The following CNTN1 variants were observed in gnomAD, a reference collection of about 807,000 sequenced individuals.
CNTN1 encodes contactin-1.
Under a neutral mutation model 126.4 loss-of-function variants are expected in CNTN1, and 38 were observed. The observed-to-expected ratio is 0.30, with a 90% CI of 0.23 to 0.39. The LOEUF is 0.39. Ranked by LOEUF, CNTN1 falls within the 10% of genes least tolerant of loss-of-function variation. CNTN1 has a pLI of 1.00. For missense variants in CNTN1, 1,009 were observed against 1,248.4 expected (o/e 0.81, Z 2.89); for synonymous variants, 413 against 422.6 (o/e 0.98, Z 0.28).
chr12:40,858,249 C>A (rs1036878493), intron 1 of CNTN1, among the ~76,000 whole-genome samples: 1 of 152,136 alleles, frequency 6.6e-6, no homozygotes, highest in African/African-American at 2.4e-5. Context: ...AGCAGGAGAC[C>A]CCTTTCTCTT....
chr12:40,984,959 T>C (rs750906846), intron 16 of CNTN1, among the ~76,000 whole-genome samples: 9 of 152,092 alleles, frequency 5.9e-5, no homozygotes, highest in Non-Finnish European at 1.3e-4. Flanking sequence ...TCATCTTTTA[T>C]AATTACAAAA....
intron 23 of CNTN1, among the ~76,000 whole-genome samples, chr12:41,031,175 T>A (rs906981603): frequency 6.6e-6 from 1 of 152,142 alleles, no homozygotes; most frequent in East Asian, 1.9e-4. Flanking sequence ...GTAACATCAG[T>A]TTACCTATCA....
intron 1 of CNTN1, among the ~76,000 whole-genome samples, chr12:40,786,805 G>A (rs562344966): frequency 6.6e-6 from 1 of 152,236 alleles, no homozygotes; most frequent in African/African-American, 2.4e-5. Flanking sequence ...ACTAGAATGT[G>A]GGATCTATCT....
chr12:40,769,121 A>G (rs1383961980), intron 1 of CNTN1, among the ~76,000 whole-genome samples: 1 of 152,140 alleles, frequency 6.6e-6, no homozygotes, highest in East Asian at 1.9e-4. Context: ...AGTCAGATAT[A>G]CCATAGTGCA....
chr12:40,749,968 T>A (rs930936534), intron 1 of CNTN1, among the ~76,000 whole-genome samples: 1 of 152,084 alleles, frequency 6.6e-6, no homozygotes, highest in African/African-American at 2.4e-5. Flanking sequence ...ATTCTCCTAC[T>A]AGTCCCTATA....
chr12:40,890,267 C>A (rs558020578), intron 1 of CNTN1, among the ~76,000 whole-genome samples: 1 of 152,272 alleles, frequency 6.6e-6, no homozygotes, highest in South Asian at 2.1e-4. Context: ...CTTGTCTCCT[C>A]ACACATAGCC....
intron 1 of CNTN1, among the ~76,000 whole-genome samples, chr12:40,742,885 T>C (rs1163655371): frequency 6.6e-6 from 1 of 152,122 alleles, no homozygotes; most frequent in Non-Finnish European, 1.5e-5. Flanking sequence ...GAGACAATGA[T>C]ACAATAATGA....
At chr12:40,981,289 A>G (rs1453213587) in intron 16 of CNTN1, among the ~76,000 whole-genome samples, 1 of 152,184 alleles carries the variant, frequency 6.6e-6, no homozygotes, top group East Asian at 1.9e-4. Flanking sequence ...TCATTTCTAA[A>G]TCAATATATA....
At chr12:40,805,594 T>C (rs73112702) in intron 1 of CNTN1, among the ~76,000 whole-genome samples, 5,698 of 152,260 alleles carry the variant, frequency 0.037, 350 homozygotes, top group African/African-American at 0.13. Flanking sequence ...CCTTTATATC[T>C]GTTAGCATTT....
chr12:41,002,439 A>T (rs1307902792), intron 17 of CNTN1, among the ~76,000 whole-genome samples: 2 of 151,828 alleles, frequency 1.3e-5, no homozygotes, highest in Non-Finnish European at 1.5e-5. Flanking sequence ...TCTTGGCATG[A>T]CTGTTGTTGG....
At chr12:40,884,341 C>T (rs1400868704) in intron 1 of CNTN1, among the ~76,000 whole-genome samples, 1 of 151,298 alleles carries the variant, frequency 6.6e-6, no homozygotes, top group Non-Finnish European at 1.5e-5. Flanking sequence ...CCAGTATAAG[C>T]TTTTCCTGAT....
intron 1 of CNTN1, among the ~76,000 whole-genome samples, chr12:40,803,209 G>T (rs569889455): frequency 7.2e-5 from 11 of 151,972 alleles, no homozygotes; most frequent in African/African-American, 2.7e-4. Context: ...GATCTCTTCA[G>T]TTAGGGCATG....
At chr12:41,067,955 C>T (rs1950082205) in intron 23 of CNTN1, among the ~76,000 whole-genome samples, 1 of 152,158 alleles carries the variant, frequency 6.6e-6, no homozygotes, top group Non-Finnish European at 1.5e-5. Context: ...ACAAAGATCT[C>T]TTTGAAACAG....
chr12:40,720,143 G>A (rs1000041060), intron 1 of CNTN1, among the ~76,000 whole-genome samples: 5 of 148,888 alleles, frequency 3.4e-5, no homozygotes, highest in Admixed American at 1.4e-4. Flanking sequence ...GAGCCACCGC[G>A]CCAAGCCTAA....
At chr12:40,871,800 T>C (rs1329306397) in intron 1 of CNTN1, among the ~76,000 whole-genome samples, 1 of 152,134 alleles carries the variant, frequency 6.6e-6, no homozygotes, top group Non-Finnish European at 1.5e-5. Flanking sequence ...TATTTTTCTT[T>C]TGGCTGGAGG....
rs573780463 is a variant in CNTN1 at position 40,944,645 on chromosome 12, T to A, written c.1683+475T>A. Among the ~76,000 whole-genome samples, 12 of 152,016 alleles carry A rather than the reference T, an allele frequency of 7.9e-5. No homozygotes were observed. The South Asian group carries it at 2.1e-3, about 26-fold the overall frequency. ...TGTGATTTGAAGAGGGTTAAATGGC[T>A]ATATTTTAAGAATTGAAAGGTGTTA... is the stretch of plus-strand genomic sequence containing the variant. On this transcript the variant is annotated intron_variant, in intron 14 of 23. Transcript: ENST00000551295.
chr12:40,842,000 TA>T (rs748859287), intron 1 of CNTN1, among the ~76,000 whole-genome samples: 2 of 151,556 alleles, frequency 1.3e-5, no homozygotes, highest in Non-Finnish European at 1.5e-5. Flanking sequence ...AAATTTTTTT[TA>T]AAAAAAGAAA....
At chr12:40,721,953 G>T (rs1258307020) in intron 1 of CNTN1, among the ~76,000 whole-genome samples, 2 of 150,558 alleles carry the variant, frequency 1.3e-5, no homozygotes, top group Non-Finnish European at 3.0e-5. Context: ...GTCTATCATT[G>T]TTGGACATTT....
At chr12:40,786,078 CG>C (rs1353527047) in intron 1 of CNTN1, among the ~76,000 whole-genome samples, 1 of 152,196 alleles carries the variant, frequency 6.6e-6, no homozygotes, top group African/African-American at 2.4e-5. Flanking sequence ...GTAGGTCAGA[CG>C]TCCAGTATGG....
Sources: gnomAD v4.1 joint callset for allele counts (sites outside exome capture counted in the v4.1 genomes callset) on GRCh38, gnomAD v4.1.1 for gene constraint, MANE v1.5 for transcripts, NCBI Gene and HGNC (gene_info 2026-07-23, HGNC 2026-07-21) for gene names.